JMJD1C: variants seen among roughly 807,000 people sequenced by gnomAD.
The protein encoded by JMJD1C is jumonji domain-containing protein 1C.
JMJD1C carries 31 observed loss-of-function variants against 245.3 expected under a neutral mutation model. The observed-to-expected ratio is 0.13, with a 90% CI of 0.09 to 0.17. JMJD1C has a LOEUF of 0.17. Among genes scored for constraint, JMJD1C ranks in the 10% least tolerant of loss-of-function variants. JMJD1C has a pLI of 1.00. For missense variants in JMJD1C, 2,691 were observed against 3,000.2 expected (o/e 0.90, Z 2.41); for synonymous variants, 1,057 against 1,017.4 (o/e 1.04, Z -0.74).
chr10:63,393,322 T>C (rs752192292), intron 1 of JMJD1C, among the ~76,000 whole-genome samples: 1 of 152,094 alleles, frequency 6.6e-6, no homozygotes, highest in Non-Finnish European at 1.5e-5. Context: ...GGGAAATGTA[T>C]ATATCTTAAC....
chr10:63,213,430 C>G, intron 8 of JMJD1C, 43 bp downstream of exon 8: 1 of 1,108,322 alleles, frequency 9.0e-7, no homozygotes, highest in East Asian at 2.4e-5. Flanking sequence ...TGTACATGTT[C>G]ATTAATATAT....
chr10:63,376,408 G>A (rs534639873), intron 2 of JMJD1C, among the ~76,000 whole-genome samples: 14 of 151,974 alleles, frequency 9.2e-5, no homozygotes, highest in East Asian at 3.9e-4. Flanking sequence ...AGCAACAAGC[G>A]GAAACAGACA....
At chr10:63,308,800 A>C (rs1416883921) in intron 2 of JMJD1C, among the ~76,000 whole-genome samples, 1 of 151,640 alleles carries the variant, frequency 6.6e-6, no homozygotes, top group Non-Finnish European at 1.5e-5. Flanking sequence ...AAAGAAAAAA[A>C]AACAACAACT....
Position 63,374,985 on chromosome 10 carries a change from T to C in JMJD1C, c.333+5333A>G, listed in dbSNP as rs541139262. 1.2e-4 allele frequency among the ~76,000 whole-genome samples: 18 copies of C among 152,276 alleles called. No homozygotes were observed. The East Asian group carries it at 3.5e-3, about 29-fold the overall frequency. ...GTGAACAGACACAATTTTACTTCTTTCTTTCCAATTTAAATGCTATTTGTC... is the reference window on the plus strand; with the variant it reads ...GTGAACAGACACAATTTTACTTCTTCCTTTCCAATTTAAATGCTATTTGTC... On this transcript the variant is annotated intron_variant, in intron 2 of 25. Transcript: ENST00000399262.
chr10:63,328,360 T>C (rs1297023015), intron 2 of JMJD1C, among the ~76,000 whole-genome samples: 1 of 152,066 alleles, frequency 6.6e-6, no homozygotes, highest in Non-Finnish European at 1.5e-5. Flanking sequence ...TTGAGAGGAT[T>C]AGGGGAAAAA....
At chr10:63,307,848 A>G (rs1292012705) in intron 2 of JMJD1C, among the ~76,000 whole-genome samples, 1 of 152,132 alleles carries the variant, frequency 6.6e-6, no homozygotes, top group Non-Finnish European at 1.5e-5. Flanking sequence ...CATCATATCC[A>G]AACCAAAACT....
intron 3 of JMJD1C, among the ~76,000 whole-genome samples, chr10:63,253,282 G>A (rs1050802077): frequency 2.0e-5 from 3 of 152,160 alleles, no homozygotes; most frequent in African/African-American, 7.2e-5. Context: ...TGATTTCAAG[G>A]GTGGGAAGAG....
intron 2 of JMJD1C, among the ~76,000 whole-genome samples, chr10:63,295,882 T>C (rs963911602): frequency 6.7e-6 from 1 of 150,346 alleles, no homozygotes; most frequent in African/African-American, 2.4e-5. Flanking sequence ...CCACACTATA[T>C]ATATGTATAT....
chr10:63,412,598 A>C (rs1949552583), intron 1 of JMJD1C, among the ~76,000 whole-genome samples: 1 of 152,212 alleles, frequency 6.6e-6, no homozygotes, highest in Non-Finnish European at 1.5e-5. Flanking sequence ...AGTTAATTTT[A>C]TGTAGTTATG....
intron 2 of JMJD1C, among the ~76,000 whole-genome samples, chr10:63,341,730 G>A (rs1000209314): frequency 6.6e-5 from 10 of 152,136 alleles, no homozygotes; most frequent in Admixed American, 5.2e-4. Context: ...TTCGTGTCAT[G>A]TACTTTCCCC....
chr10:63,412,530 T>C (rs1015226091), intron 1 of JMJD1C, among the ~76,000 whole-genome samples: 5 of 152,194 alleles, frequency 3.3e-5, no homozygotes, highest in Admixed American at 6.5e-5. Flanking sequence ...TTCGCAACAT[T>C]TGAGTTCAAC....
At chr10:63,219,831 G>C (rs1260752216) in intron 4 of JMJD1C, 47 bp downstream of exon 4, 1 of 1,311,342 alleles carries the variant, frequency 7.6e-7, no homozygotes, top group Non-Finnish European at 1.1e-6. Flanking sequence ...AATATGATAA[G>C]TTGCCTAGAT....
intron 22 of JMJD1C, among the ~76,000 whole-genome samples, chr10:63,179,562 C>T (rs1843227137): frequency 6.6e-6 from 1 of 151,876 alleles, no homozygotes; most frequent in Non-Finnish European, 1.5e-5. Context: ...CACTTGAGCC[C>T]AGGAGTTTGA....
intron 1 of JMJD1C, among the ~76,000 whole-genome samples, chr10:63,381,466 T>C (rs935062207): frequency 6.6e-6 from 1 of 152,014 alleles, no homozygotes; most frequent in Admixed American, 6.6e-5. Flanking sequence ...TGAGCTATGA[T>C]AGCTACAGTG....
chr10:63,191,041 T>A lies in JMJD1C; in HGVS notation c.6144A>T (p.Pro2048=). Residue 2048 remains proline (P), a synonymous_variant, in exon 17 of 26, where the codon CCA becomes CCT. Transcript: ENST00000399262. ...EEREQDNSES[P]NGRTSPLVSQ... is the part of the protein sequence containing the mutation. ...ACACAAGAGGTGATGTTCTGCCATT[T>A]GGAGATTCAGAGTTGTCTTGTTCTC... 6.2e-7 allele frequency: 1 copy of A among 1,614,220 alleles called. No homozygotes were observed. Among genetic ancestry groups the A allele is most frequent in the Non-Finnish European group, 8.5e-7 (1 of 1,180,006 alleles).
chr10:63,307,014 G>GT (rs1352019791), intron 2 of JMJD1C, among the ~76,000 whole-genome samples: 3 of 152,204 alleles, frequency 2.0e-5, no homozygotes, highest in Admixed American at 1.3e-4. Flanking sequence ...GTACTGTAAC[G>GT]TAAGTAATTT....
chr10:63,191,465 C>T (rs1393878391), intron 16 of JMJD1C, among the ~76,000 whole-genome samples: 3 of 152,020 alleles, frequency 2.0e-5, no homozygotes, highest in Non-Finnish European at 2.9e-5. Flanking sequence ...AAGCATGGTG[C>T]TAAAGTACAG....
chr10:63,275,542 T>C (rs1856696494), intron 2 of JMJD1C, among the ~76,000 whole-genome samples: 1 of 152,136 alleles, frequency 6.6e-6, no homozygotes, highest in Admixed American at 6.5e-5. Context: ...TTGGGAAAGA[T>C]GATAAAACAC....
At chr10:63,383,012 C>T (rs905796755) in intron 1 of JMJD1C, among the ~76,000 whole-genome samples, 5 of 151,962 alleles carry the variant, frequency 3.3e-5, no homozygotes, top group African/African-American at 1.2e-4. Flanking sequence ...TTAAATTATG[C>T]ATGTAAACTC....
Sources: allele counts gnomAD v4.1 joint callset (sites outside exome capture counted in the v4.1 genomes callset), GRCh38; gene constraint gnomAD v4.1.1; transcripts MANE v1.5; gene names NCBI Gene and HGNC (gene_info 2026-07-23, HGNC 2026-07-21).